Variants in GRB10 observed in about 807,000 individuals in gnomAD.
GRB10 encodes growth factor receptor-bound protein 10.
In GRB10, 20 loss-of-function variants were observed where a neutral mutation model predicts 80.9. That is an observed-to-expected ratio of 0.25 (90% CI 0.17 to 0.36). The LOEUF is 0.36. GRB10 is among the 10% of genes least tolerant of loss of function. GRB10 has a pLI of 1.00. For synonymous variants in GRB10, 291 were observed against 291.5 expected (o/e 1.00, Z 0.02); for missense variants, 548 against 747.7 (o/e 0.73, Z 3.12).
At chr7:50,792,487 C>T in intron 1 of GRB10, 1 of 398,544 alleles carries the variant, frequency 2.5e-6, no homozygotes, top group Non-Finnish European at 4.4e-6. Context: ...GTCAGGCAGG[C>T]GTTTGGAGAG....
At chr7:50,740,541 C>T (rs2071523211) in intron 3 of GRB10, among the ~76,000 whole-genome samples, 1 of 151,946 alleles carries the variant, frequency 6.6e-6, no homozygotes, top group Non-Finnish European at 1.5e-5. Context: ...AAAAGCTGTA[C>T]CTTCCATAAA....
intron 4 of GRB10, among the ~76,000 whole-genome samples, chr7:50,732,004 C>A (rs988421661): frequency 2.0e-5 from 3 of 152,262 alleles, no homozygotes; most frequent in Admixed American, 6.5e-5. Context: ...GGGGGCAACT[C>A]TGTACTACAA....
chr7:50,742,250 AACACACGCGC>A (rs1422559008), intron 3 of GRB10, among the ~76,000 whole-genome samples: 38 of 63,070 alleles, frequency 6.0e-4, no homozygotes, highest in Middle Eastern at 0.017. Context: ...TCTATGTGTA[AACACACGCGC>A]ACGCGCGCGC....
chr7:50,629,361 A>G (rs2053574290), intron 7 of GRB10, among the ~76,000 whole-genome samples: 1 of 152,118 alleles, frequency 6.6e-6, no homozygotes, highest in African/African-American at 2.4e-5. Flanking sequence ...CCCGGGTATT[A>G]AAAGCTGAGA....
At chr7:50,713,686 A>C in intron 4 of GRB10, among the ~76,000 whole-genome samples, 2 of 96,256 alleles carry the variant, frequency 2.1e-5, no homozygotes, top group African/African-American at 4.2e-5. Flanking sequence ...CACCTCCTCC[A>C]TTGTCACCTC....
intron 7 of GRB10, among the ~76,000 whole-genome samples, chr7:50,666,827 A>T (rs1425090697): frequency 1.3e-5 from 2 of 152,016 alleles, no homozygotes; most frequent in Non-Finnish European, 2.9e-5. Context: ...GATCACAAGG[A>T]CAGGAGATCG....
chr7:50,593,848 C>A (rs539850432), intron 18 of GRB10, among the ~76,000 whole-genome samples: 27 of 152,186 alleles, frequency 1.8e-4, no homozygotes, highest in Non-Finnish European at 3.4e-4. Context: ...CTAGAGCTAA[C>A]AGCACATCCC....
chr7:50,627,238 A>G (rs1208098579), intron 7 of GRB10, among the ~76,000 whole-genome samples: 1 of 152,144 alleles, frequency 6.6e-6, no homozygotes, highest in African/African-American at 2.4e-5. Context: ...ACTCATGGGA[A>G]CATACAGCAC....
chr7:50,663,778 C>T (rs947900263), intron 7 of GRB10, among the ~76,000 whole-genome samples: 6 of 152,216 alleles, frequency 3.9e-5, no homozygotes, highest in Admixed American at 1.3e-4. Flanking sequence ...TTGCTGAGCC[C>T]TTAGTGGACG....
chr7:50,703,639 A>G (rs2064557129), intron 5 of GRB10, among the ~76,000 whole-genome samples, 182 bp downstream of exon 5: 1 of 152,264 alleles, frequency 6.6e-6, no homozygotes, highest in Non-Finnish European at 1.5e-5. Context: ...AAGGAAATAC[A>G]TGAAGATATC....
rs1022885295 is a variant in GRB10 at position 50,592,599 on chromosome 7, T to C, written c.*353A>G. ...AAAAAGTAAACATATCAGTTTTAAT[T>C]GTCAAGATTATTCCAGGGCAAGAGT... is the stretch of plus-strand genomic sequence containing the variant. On this transcript the variant is annotated 3_prime_UTR_variant, in exon 19 of 19. Transcript: ENST00000401949. 2.4e-5 allele frequency: 8 copies of C among 340,424 alleles called. No homozygotes were observed. The Admixed American group carries it at 3.0e-4, about 13-fold the overall frequency. The allele number at this position is 340,424 out of a possible 1,614,324, so 21.1% of individuals were successfully genotyped here.
chr7:50,622,224 G>C (rs549501416), intron 8 of GRB10, among the ~76,000 whole-genome samples: 4 of 152,198 alleles, frequency 2.6e-5, no homozygotes, highest in Non-Finnish European at 5.9e-5. Context: ...AAATTTTAGT[G>C]GGGGAAAGGA....
chr7:50,760,576 A>T lies in GRB10; in HGVS notation c.-216-4520T>A, dbSNP rs56272038. The stretch of plus-strand genomic sequence containing the variant: ...AATAAAATAAGCGGTAAGATGGTCA[A>T]TCATAGAGCATTAAGGGAGAATTAC... On this transcript the variant is annotated intron_variant, in intron 2 of 18. Transcript: ENST00000401949. Among the ~76,000 whole-genome samples the T allele has an allele frequency of 1.2e-4, 18 of 152,338 alleles. No individual in the cohort carries two copies. In the South Asian group the frequency reaches 3.7e-3, roughly 32 times the overall value.
rs780312032 is a variant in GRB10 at position 50,674,438 on chromosome 7, G to A, written c.360C>T (p.Val120=). 2 of 1,603,776 alleles carry A rather than the reference G, an allele frequency of 1.2e-6. No homozygotes were observed. The highest frequency in any genetic ancestry group is 1.7e-5 in the Admixed American group (1 of 60,022). Residue 120 remains valine (V), a splice_region_variant and synonymous_variant, in exon 6 of 19, where the codon GTC becomes GTT. Coordinates refer to ENST00000401949, the MANE Select transcript of GRB10 (RefSeq NM_001350814.2). ...QRSQPVHILA[V]RRLQEEDQQF... is the part of the protein sequence containing the mutation. Reference sequence around the variant, plus strand: ...CTGCCCATAAGGCCTGGACCTACCTGACAGCGAGGATGTGCACAGGCTGGG... The same window carrying A: ...CTGCCCATAAGGCCTGGACCTACCTAACAGCGAGGATGTGCACAGGCTGGG...
At chr7:50,731,324 T>C (rs76828756) in intron 4 of GRB10, among the ~76,000 whole-genome samples, 41 of 145,942 alleles carry the variant, frequency 2.8e-4, no homozygotes, top group African/African-American at 9.8e-4. Flanking sequence ...AAAAAAAAAA[T>C]GTTCAAAGGC....
At chr7:50,769,776 T>A (rs529791406) in intron 2 of GRB10, among the ~76,000 whole-genome samples, 3 of 151,974 alleles carry the variant, frequency 2.0e-5, no homozygotes, top group Admixed American at 2.0e-4. Flanking sequence ...AACACCCTTC[T>A]CTCCTCAGCT....
chr7:50,592,355 G>A lies in GRB10; in HGVS notation c.*597C>T, dbSNP rs2045932872. Reference sequence around the variant, plus strand: ...AAAGCTTTTCAAGTATACTGGGAAGGGCTGGGTTTGTCATTTGGGAGCTGA... The same window carrying A: ...AAAGCTTTTCAAGTATACTGGGAAGAGCTGGGTTTGTCATTTGGGAGCTGA... On this transcript the variant is annotated 3_prime_UTR_variant, in exon 19 of 19. Transcript: ENST00000401949. The A allele has an allele frequency of 6.5e-6, 1 of 154,784 alleles. No individual in the cohort carries two copies. Among genetic ancestry groups the A allele is most frequent in the Admixed American group, 6.3e-5 (1 of 15,838 alleles). The allele number at this position is 154,784 out of a possible 1,614,324, so 9.6% of individuals were successfully genotyped here.
chr7:50,749,044 T>A (rs182600616), intron 3 of GRB10, among the ~76,000 whole-genome samples: 1 of 152,310 alleles, frequency 6.6e-6, no homozygotes, highest in Admixed American at 6.5e-5. Flanking sequence ...CCACAATTTG[T>A]CAAACTCAAA....
chr7:50,685,878 G>A (rs2062048165), intron 5 of GRB10, among the ~76,000 whole-genome samples: 1 of 152,150 alleles, frequency 6.6e-6, no homozygotes, highest in African/African-American at 2.4e-5. Context: ...TTTCCAGAAT[G>A]TGGATGGAAA....
Sources: gnomAD v4.1 joint callset for allele counts (sites outside exome capture counted in the v4.1 genomes callset) on GRCh38, gnomAD v4.1.1 for gene constraint, MANE v1.5 for transcripts, NCBI Gene and HGNC (gene_info 2026-07-23, HGNC 2026-07-21) for gene names.